Variants in KCNK12 observed in about 807,000 individuals in gnomAD.
The protein encoded by KCNK12 is potassium two pore domain channel subfamily K member 12.
In KCNK12, 6 loss-of-function variants were observed where a neutral mutation model predicts 25.3. The ratio of observed to expected loss-of-function variants is 0.24; its 90% CI spans 0.13 to 0.47. The LOEUF is 0.47. KCNK12 is among the 20% of genes least tolerant of loss of function. The probability of loss-of-function intolerance (pLI) is 0.99; values close to 1 mark genes in which losing one functional copy is unlikely to be tolerated. For missense variants in KCNK12, 444 were observed against 661.7 expected, an observed-to-expected ratio of 0.67 and a Z score of 3.61; for synonymous variants, 331 against 311.1, an observed-to-expected ratio of 1.06 and a Z score of -0.67.
chr2:47,521,303 G>A lies in KCNK12; in HGVS notation c.897C>T (p.Ser299=), dbSNP rs370131386. The A allele has an allele frequency of 1.2e-5, 20 of 1,613,192 alleles. No individual in the cohort carries two copies. The African/African-American group carries it at 2.5e-4, about 20-fold the overall frequency. The change falls in exon 2 of 2, where the codon TCC becomes TCT. Residue 299 remains serine (S), a synonymous_variant. Coordinates refer to ENST00000327876, the MANE Select transcript of KCNK12 (RefSeq NM_022055.2). ...AGTTGAGCACCTGCTTGATGAGGAT[G>A]GAGATGACGTTGAAGAGCGAGTAAA... ...CCIYSLFNVI[S]ILIKQVLNWM...
intron 1 of KCNK12, among the ~76,000 whole-genome samples, chr2:47,534,396 G>A (rs1459404945): frequency 2.0e-5 from 3 of 151,576 alleles, no homozygotes; most frequent in Non-Finnish European, 4.4e-5. Flanking sequence ...CTGAGCTGGC[G>A]GGAAGATGAC....
intron 1 of KCNK12, among the ~76,000 whole-genome samples, chr2:47,531,871 T>C (rs956834872): frequency 6.6e-6 from 1 of 152,114 alleles, no homozygotes; most frequent in Non-Finnish European, 1.5e-5. Context: ...CAGCCTCTGA[T>C]TGGTCACAGG....
rs1249676217 is a variant in KCNK12, at chr2:47,509,448, T to A, written c.*11459A>T. Among the ~76,000 whole-genome samples, 1 of 152,190 alleles carries A rather than the reference T, an allele frequency of 6.6e-6. No homozygotes were observed. The highest frequency in any genetic ancestry group is 1.5e-5 in the Non-Finnish European group (1 of 68,024). ...TCTGTCCCATAGCAGGAAACCACAG[T>A]CTCTGATGTCAGCTGGCTGCCAACA... On this transcript the variant is annotated 3_prime_UTR_variant, in exon 2 of 2. Coordinates refer to ENST00000327876, the MANE Select transcript of KCNK12 (RefSeq NM_022055.2).
rs1668552710 is a variant in KCNK12 at position 47,517,446 on chromosome 2, C to T, written c.*3461G>A. 1 of 152,154 alleles carries T rather than the reference C, an allele frequency of 6.6e-6. No individual in the cohort carries two copies. The highest frequency in any genetic ancestry group is 6.5e-5 in the Admixed American group (1 of 15,276). The allele number at this position is 152,154 out of a possible 1,614,324, so 9.4% of individuals were successfully genotyped here. On this transcript the variant is annotated 3_prime_UTR_variant, in exon 2 of 2. Transcript: ENST00000327876. This position sits in a 1 kb window ranked among gnomAD's most constrained non-coding sequence, Gnocchi z 4.1. Reference sequence around the variant, plus strand: ...AATTGTACATAAAACTCCCCCAAGGCAGAGAGGGATTTTCCAGGCCCTGGT... The same window carrying T: ...AATTGTACATAAAACTCCCCCAAGGTAGAGAGGGATTTTCCAGGCCCTGGT...
Position 47,512,488 on chromosome 2 carries a change from C to G in KCNK12, c.*8419G>C. ...TTTTCATTTGTAATTCTACAAACAT[C>G]CCTTCTGTAAACATTTCCCTCAAAA... On this transcript the variant is annotated 3_prime_UTR_variant, in exon 2 of 2. Coordinates refer to ENST00000327876, the MANE Select transcript of KCNK12 (RefSeq NM_022055.2). 6.6e-7 allele frequency: 1 copy of G among 1,518,910 alleles called. No homozygotes were observed. The highest frequency in any genetic ancestry group is 8.9e-7 in the Non-Finnish European group (1 of 1,127,128). The allele number at this position is 1,518,910 out of a possible 1,614,324, so 94.1% of individuals were successfully genotyped here.
chr2:47,535,536 G>A (rs1321517039), intron 1 of KCNK12, among the ~76,000 whole-genome samples: 1 of 152,200 alleles, frequency 6.6e-6, no homozygotes, highest in African/African-American at 2.4e-5. Context: ...AGATGGGGAG[G>A]TTGATGGCCC....
At position 47,521,715 on chromosome 2, in the gene KCNK12, T is replaced by C; in HGVS notation, c.485A>G (p.Asn162Ser). 1.9e-6 allele frequency: 3 copies of C among 1,599,366 alleles called. No homozygotes were observed. Among genetic ancestry groups the C allele is most frequent in the Non-Finnish European group, 2.6e-6 (3 of 1,175,064 alleles). ...FGCAGTILFF[N>S]LFLERIISLL... Reference sequence around the variant, plus strand: ...CGAGATGATGCGCTCCAGGAAGAGGTTGAAGAACAGGATGGTCCCAGCGCA... The same window carrying C: ...CGAGATGATGCGCTCCAGGAAGAGGCTGAAGAACAGGATGGTCCCAGCGCA... Residue 162 changes from asparagine (N) to serine (S), a missense_variant, in exon 2 of 2, where the codon AAC becomes AGC. Asn to Ser is a conservative substitution (Grantham distance 46, BLOSUM62 1). Around this residue, in one of 8 missense-constraint regions of KCNK12, gnomAD observed 44 missense variants for 100.7 expected, o/e 0.44. Coordinates refer to ENST00000327876, the MANE Select transcript of KCNK12 (RefSeq NM_022055.2).
At position 47,551,795 on chromosome 2, in the gene KCNK12, G is replaced by C. The variant is rs563870879; in HGVS notation, c.391+18146C>G. On this transcript the variant is annotated intron_variant, in intron 1 of 1. Transcript: ENST00000327876. This position sits in a 1 kb window ranked among gnomAD's most constrained non-coding sequence, Gnocchi z 5.3. ...TAAGATTCAGTTCTAGCCACAGGCT[G>C]CACTGTGCATAAATCTAGGGGACTA... is the stretch of plus-strand genomic sequence containing the variant. Among the ~76,000 whole-genome samples, 1 of 152,370 alleles carries C rather than the reference G, an allele frequency of 6.6e-6. No homozygotes were observed. The highest frequency in any genetic ancestry group is 2.4e-5 in the African/African-American group (1 of 41,588).
intron 1 of KCNK12, among the ~76,000 whole-genome samples, chr2:47,554,375 T>G (rs1423983412): frequency 1.3e-5 from 2 of 152,182 alleles, no homozygotes; most frequent in African/African-American, 4.8e-5. Context: ...TGGGGGACAC[T>G]ACTGTAATCA....
chr2:47,521,792 G>A lies in KCNK12; in HGVS notation c.408C>T (p.Thr136=), dbSNP rs1668661388. 11 of 1,525,232 alleles carry A rather than the reference G, an allele frequency of 7.2e-6. No homozygotes were observed. Among genetic ancestry groups the A allele is most frequent in the Non-Finnish European group, 9.6e-6 (11 of 1,142,030 alleles). 94.5% of individuals were successfully genotyped at this position (1,525,232 alleles called of 1,614,324 possible). A position where few individuals can be genotyped will look rare whatever the true frequency, so the allele number is the denominator to read the frequency against. Residue 136 remains threonine (T), a synonymous_variant, in exon 2 of 2, where the codon ACC becomes ACT. Transcript: ENST00000327876. ...VVSTIGFGMT[T]PATVGGKAFL... ...AGGCCTTCCCGCCCACCGTCGCGGGGGTGGTCATGCCGAAACCTGTGGAGA... is the reference window on the plus strand; with the variant it reads ...AGGCCTTCCCGCCCACCGTCGCGGGAGTGGTCATGCCGAAACCTGTGGAGA...
chr2:47,553,967 C>T (rs2104859291), intron 1 of KCNK12, among the ~76,000 whole-genome samples: 1 of 152,344 alleles, frequency 6.6e-6, no homozygotes, highest in African/African-American at 2.4e-5. Flanking sequence ...CATGTGAACT[C>T]AGCCAGATTA....
chr2:47,526,978 T>C (rs753523697), intron 1 of KCNK12, among the ~76,000 whole-genome samples: 13 of 152,106 alleles, frequency 8.5e-5, no homozygotes, highest in Non-Finnish European at 1.8e-4. Context: ...TGACAACCTA[T>C]GGGGGAGAAC....
Position 47,519,315 on chromosome 2 carries a change from G to C in KCNK12, c.*1592C>G, listed in dbSNP as rs1320284811. ...TGAGCGCATGCGTGCATGTTTGTGT[G>C]TGTGTGTGTTCCACGCACATTTGCC... On this transcript the variant is annotated 3_prime_UTR_variant, in exon 2 of 2. Transcript: ENST00000327876. 1 of 152,246 alleles carries C rather than the reference G, an allele frequency of 6.6e-6. No individual in the cohort carries two copies. The highest frequency in any genetic ancestry group is 1.5e-5 in the Non-Finnish European group (1 of 68,048). The allele number at this position is 152,246 out of a possible 1,614,324, so 9.4% of individuals were successfully genotyped here. A position where few individuals can be genotyped will look rare whatever the true frequency, so the allele number is the denominator to read the frequency against.
rs1203552440 is a variant in KCNK12, at chr2:47,547,069, C to T, written c.391+22872G>A. On this transcript the variant is annotated intron_variant, in intron 1 of 1. Coordinates refer to ENST00000327876, the MANE Select transcript of KCNK12 (RefSeq NM_022055.2). The surrounding 1 kb of genome is among the most constrained non-coding windows in gnomAD (Gnocchi z 5.0). Reference sequence around the variant, plus strand: ...GCCCCACCTATGCACACTGAGTTTCCAGTCCAATTTTCTATTTTTAATTCT... The same window carrying T: ...GCCCCACCTATGCACACTGAGTTTCTAGTCCAATTTTCTATTTTTAATTCT... 6.6e-6 allele frequency among the ~76,000 whole-genome samples: 1 copy of T among 152,186 alleles called. No homozygotes were observed. Among genetic ancestry groups the T allele is most frequent in the Non-Finnish European group, 1.5e-5 (1 of 68,036 alleles).
At chr2:47,564,116 CGG>C (rs1669742747) in intron 1 of KCNK12, 1 of 231,728 alleles carries the variant, frequency 4.3e-6, no homozygotes. Flanking sequence ...CAGGCTTGTT[CGG>C]GAGGCAGCTC....
intron 1 of KCNK12, among the ~76,000 whole-genome samples, chr2:47,549,867 G>A (rs1261292834): frequency 3.3e-5 from 5 of 151,938 alleles, no homozygotes; most frequent in Non-Finnish European, 1.5e-5. Context: ...CCAGGAGGCA[G>A]AGGTTGCAGT....
intron 1 of KCNK12, among the ~76,000 whole-genome samples, chr2:47,552,393 T>C (rs1027691199): frequency 1.3e-5 from 2 of 152,058 alleles, no homozygotes; most frequent in Admixed American, 1.3e-4. Flanking sequence ...CATTCCCCAC[T>C]TCCTTTGTGG....
chr2:47,541,927 C>G (rs2104816598), intron 1 of KCNK12, among the ~76,000 whole-genome samples: 1 of 152,182 alleles, frequency 6.6e-6, no homozygotes, highest in East Asian at 1.9e-4. Context: ...CGCCTGTTTG[C>G]TTGGCTGCAG....
At chr2:47,532,502 C>T (rs547454333) in intron 1 of KCNK12, among the ~76,000 whole-genome samples, 13 of 152,316 alleles carry the variant, frequency 8.5e-5, no homozygotes, top group African/African-American at 2.6e-4. Flanking sequence ...GCTGGGACTA[C>T]AGGCACCCAC....
Sources: gnomAD v4.1 joint callset for allele counts (sites outside exome capture counted in the v4.1 genomes callset) on GRCh38, gnomAD v4.1.1 for gene constraint, gnomAD v4.1.1 regional missense constraint, Gnocchi (gnomAD v3.1) non-coding constraint, MANE v1.5 for transcripts, NCBI Gene and HGNC (gene_info 2026-07-23, HGNC 2026-07-21) for gene names.